The following NFIB variants were observed in gnomAD, a reference collection of about 807,000 sequenced individuals.
NFIB encodes the protein nuclear factor 1 B-type.
A neutral mutation model predicts 61.5 loss-of-function variants in NFIB; 11 were observed. The ratio of observed to expected loss-of-function variants is 0.18; its 90% CI spans 0.11 to 0.30. The LOEUF (loss-of-function observed/expected upper bound fraction) is 0.30. NFIB is among the 10% of genes least tolerant of loss of function. The pLI, the probability that NFIB is intolerant of heterozygous loss-of-function variation, is 1.00. For missense variants in NFIB, 471 were observed against 608.9 expected (o/e 0.77, Z 2.38); for synonymous variants, 260 against 216.5 (o/e 1.20, Z -1.76).
chr9:14,457,027 A>T, the NFIB span, among the ~76,000 whole-genome samples: 1 of 152,240 alleles, frequency 6.6e-6, no homozygotes, highest in Non-Finnish European at 1.5e-5. Context: ...ACAATTCTAA[A>T]TACTGACATA....
At chr9:14,148,639 T>C (rs1587037237) in intron 5 of NFIB, among the ~76,000 whole-genome samples, 1 of 152,176 alleles carries the variant, frequency 6.6e-6, no homozygotes, top group South Asian at 2.1e-4. Context: ...GGCAAGTTAA[T>C]GGAAGCAGTC....
the NFIB span, among the ~76,000 whole-genome samples, chr9:14,481,211 A>G: frequency 7.1e-4 from 62 of 87,536 alleles, 2 homozygotes; most frequent in Non-Finnish European, 7.1e-4. Flanking sequence ...ATATATATAT[A>G]TATATATATA....
At chr9:14,423,239 G>T in the NFIB span, among the ~76,000 whole-genome samples, 1 of 152,250 alleles carries the variant, frequency 6.6e-6, no homozygotes, top group South Asian at 2.1e-4. Flanking sequence ...TCATTCTTAA[G>T]GATGGTTTAT....
intron 2 of NFIB, among the ~76,000 whole-genome samples, chr9:14,200,086 G>C (rs1178853994): frequency 2.6e-5 from 4 of 152,076 alleles, no homozygotes; most frequent in Non-Finnish European, 5.9e-5. Flanking sequence ...CTGAAGGCCT[G>C]GTAAGAGCAA....
chr9:14,463,709 G>A, the NFIB span, among the ~76,000 whole-genome samples: 1 of 122,924 alleles, frequency 8.1e-6, no homozygotes, highest in African/African-American at 3.2e-5. Flanking sequence ...CACCCAGGCT[G>A]GAGTGCAGTG....
chr9:14,089,446 TA>T (rs967507003), intron 10 of NFIB, among the ~76,000 whole-genome samples: 13 of 150,290 alleles, frequency 8.6e-5, no homozygotes, highest in African/African-American at 2.7e-4. Flanking sequence ...ATATGGAGGA[TA>T]AAAAAAATCA....
At chr9:14,124,016 C>G (rs1337463422) in intron 7 of NFIB, among the ~76,000 whole-genome samples, 1 of 151,986 alleles carries the variant, frequency 6.6e-6, no homozygotes, top group Admixed American at 6.6e-5. Context: ...AGATTAGATG[C>G]CCAGCCAATG....
chr9:14,150,015 A>C (rs2042687065), intron 5 of NFIB, 130 bp downstream of exon 5: 1 of 1,294,100 alleles, frequency 7.7e-7, no homozygotes, highest in African/African-American at 1.5e-5. Flanking sequence ...GAAAGATTAA[A>C]AATCTGTGTA....
At chr9:14,289,139 T>G (rs6474828) in intron 2 of NFIB, among the ~76,000 whole-genome samples, 5,016 of 143,702 alleles carry the variant, frequency 0.035, 248 homozygotes, top group African/African-American at 0.1. Context: ...TATATATATA[T>G]ACATATATAT....
chr9:14,112,583 T>A (rs1159229138), intron 10 of NFIB, among the ~76,000 whole-genome samples: 1 of 152,172 alleles, frequency 6.6e-6, no homozygotes, highest in Non-Finnish European at 1.5e-5. Flanking sequence ...AATACAAATG[T>A]GAGGAGCAAA....
intron 6 of NFIB, among the ~76,000 whole-genome samples, chr9:14,146,225 C>T (rs1178083476): frequency 1.3e-5 from 2 of 152,160 alleles, no homozygotes; most frequent in Non-Finnish European, 2.9e-5. Flanking sequence ...TTACATTACA[C>T]TTTTCTTTAT....
At chr9:14,351,466 G>T (rs1441574241) in intron 1 of NFIB, among the ~76,000 whole-genome samples, 4 of 152,102 alleles carry the variant, frequency 2.6e-5, no homozygotes, top group Non-Finnish European at 5.9e-5. Context: ...GCCTACCAAG[G>T]GCATCTCCCC....
chr9:14,118,181 T>C (rs2119116911), intron 8 of NFIB, among the ~76,000 whole-genome samples: 1 of 152,240 alleles, frequency 6.6e-6, no homozygotes, highest in East Asian at 1.9e-4. Context: ...AGGCCATCCA[T>C]TTCTGGTTAT....
rs552077984 is a variant in NFIB, at chr9:14,085,857, T to C, written c.*2452A>G. The C allele has an allele frequency of 3.1e-4, 69 of 223,544 alleles. No individual in the cohort carries two copies. Among genetic ancestry groups the C allele is most frequent in the African/African-American group, 1.5e-3 (66 of 44,932 alleles). 13.8% of individuals were successfully genotyped at this position (223,544 alleles called of 1,614,324 possible). A position where few individuals can be genotyped will look rare whatever the true frequency, so the allele number is the denominator to read the frequency against. On this transcript the variant is annotated 3_prime_UTR_variant, in exon 11 of 11. Transcript: ENST00000380953. ...AATGTGTTTTCTAGGAGAAAGAATATTCATGTGTTAAACTCTCAAAAGTGT... is the reference window on the plus strand; with the variant it reads ...AATGTGTTTTCTAGGAGAAAGAATACTCATGTGTTAAACTCTCAAAAGTGT...
rs1046280794 is a variant in NFIB at position 14,087,808 on chromosome 9, C to G, written c.*501G>C. Reference sequence around the variant, plus strand: ...CTCCTAGCCTTCGTTGGTGAGATAACCAGGAATAGTGATTCCATGCGTAAA... The same window carrying G: ...CTCCTAGCCTTCGTTGGTGAGATAAGCAGGAATAGTGATTCCATGCGTAAA... On this transcript the variant is annotated 3_prime_UTR_variant, in exon 11 of 11. Transcript: ENST00000380953. 9.0e-6 allele frequency: 2 copies of G among 221,614 alleles called. No individual in the cohort carries two copies. Among genetic ancestry groups the G allele is most frequent in the Non-Finnish European group, 1.8e-5 (2 of 110,482 alleles). The allele number at this position is 221,614 out of a possible 1,614,324, so 13.7% of individuals were successfully genotyped here.
Position 14,112,979 on chromosome 9 carries a change from C to T in NFIB, c.1467+20G>A. 6.5e-7 allele frequency: 1 copy of T among 1,548,912 alleles called. No individual in the cohort carries two copies. The highest frequency in any genetic ancestry group is 2.4e-5 in the East Asian group (1 of 40,868). The stretch of plus-strand genomic sequence containing the variant: ...GCGAAAGCGTGGCTACACCGTCACA[C>T]CTGGGTGAAACTTGCCCACCTGTTG... On this transcript the variant is annotated intron_variant, in intron 10 of 10. Coordinates refer to ENST00000380953, the MANE Select transcript of NFIB (RefSeq NM_001190737.2).
chr9:14,216,701 C>T (rs2050965188), intron 2 of NFIB, among the ~76,000 whole-genome samples: 1 of 152,118 alleles, frequency 6.6e-6, no homozygotes, highest in South Asian at 2.1e-4. Flanking sequence ...TCACCATACC[C>T]AGGTCAGGTC....
the NFIB span, among the ~76,000 whole-genome samples, chr9:14,420,647 G>C: frequency 6.6e-6 from 1 of 152,048 alleles, no homozygotes; most frequent in East Asian, 1.9e-4. Context: ...TGTCAACCTG[G>C]TAACCCTGTA....
chr9:14,400,947 C>T (rs774602991), upstream of NFIB, among the ~76,000 whole-genome samples: 27 of 152,204 alleles, frequency 1.8e-4, no homozygotes, highest in Admixed American at 1.2e-3. Context: ...GACCACTCCT[C>T]GGGCCAGAGT....
Sources: gnomAD v4.1 joint callset for allele counts (sites outside exome capture counted in the v4.1 genomes callset) on GRCh38, gnomAD v4.1.1 for gene constraint, MANE v1.5 for transcripts, NCBI Gene and HGNC (gene_info 2026-07-23, HGNC 2026-07-21) for gene names.